The following TENM2 variants were observed in gnomAD, a reference collection of about 807,000 sequenced individuals.
The protein encoded by TENM2 is teneurin-2.
TENM2 carries 52 observed loss-of-function variants against 245.2 expected under a neutral mutation model. That is an observed-to-expected ratio of 0.21 (90% CI 0.17 to 0.27). The LOEUF is 0.27. TENM2 is among the 10% of genes least tolerant of loss of function. The pLI is 1.00. For missense variants in TENM2, 3,046 were observed against 3,666.8 expected (o/e 0.83, Z 4.37); for synonymous variants, 1,363 against 1,438.9 (o/e 0.95, Z 1.19).
chr5:167,877,702 T>C (rs1773544408), intron 3 of TENM2, among the ~76,000 whole-genome samples: 3 of 152,248 alleles, frequency 2.0e-5, no homozygotes, highest in Non-Finnish European at 2.9e-5. Context: ...ATGCTCTTTC[T>C]TCAAATATGA....
At chr5:168,074,359 GCCTTCATAGGAA>G (rs938527317) in intron 7 of TENM2, among the ~76,000 whole-genome samples, 3 of 152,100 alleles carry the variant, frequency 2.0e-5, no homozygotes, top group African/African-American at 7.2e-5. Context: ...ACCCCAGAGG[GCCTTCATAGGAA>G]CCAGGAAACA....
chr5:167,757,680 A>G (rs960657826), intron 2 of TENM2, among the ~76,000 whole-genome samples: 4 of 152,092 alleles, frequency 2.6e-5, no homozygotes, highest in Non-Finnish European at 4.4e-5. Context: ...GTCTTCCACA[A>G]TGGTTGAACT....
intron 2 of TENM2, among the ~76,000 whole-genome samples, chr5:167,736,357 C>G (rs1020454432): frequency 6.6e-6 from 1 of 152,034 alleles, no homozygotes; most frequent in Admixed American, 6.6e-5. Flanking sequence ...GGGGACACAG[C>G]CAAATCATAT....
chr5:167,937,511 G>A (rs1012027243), intron 3 of TENM2, among the ~76,000 whole-genome samples: 1 of 152,174 alleles, frequency 6.6e-6, no homozygotes, highest in Admixed American at 6.5e-5. Context: ...TCCCATCATG[G>A]CAATGTGGTT....
In TENM2 at chr5:167,875,997, C is replaced by A. The variant is rs1773391718; in HGVS notation, c.514C>A (p.Pro172Thr). Residue 172 changes from proline to threonine, a missense_variant, in exon 3 of 29, where the codon CCA (proline) becomes ACA (threonine). Physicochemically the swap from Pro to Thr is conservative, Grantham distance 38 (BLOSUM62 -1). This residue lies in a region of TENM2 where 342 missense variants were observed against 335.0 expected (regional missense o/e 1.02). Coordinates refer to ENST00000518659, the Ensembl canonical transcript of TENM2. ...GTCCTCTTTCCCAGGTCGTCCCATT[C>A]CACCTACATCCTCGCCTAGTCTCCT... The A allele has an allele frequency of 2.6e-6, 4 of 1,551,120 alleles. No individual in the cohort carries two copies. In the South Asian group the frequency reaches 3.6e-5, roughly 14 times the overall value.
chr5:167,983,944 T>C (rs1249300321), intron 4 of TENM2, among the ~76,000 whole-genome samples: 2 of 152,322 alleles, frequency 1.3e-5, no homozygotes, highest in South Asian at 4.1e-4. Context: ...GGCTAAAATA[T>C]ACTATACACG....
intron 2 of TENM2, among the ~76,000 whole-genome samples, chr5:167,632,124 C>T (rs1430591872): frequency 6.6e-6 from 1 of 152,138 alleles, no homozygotes; most frequent in African/African-American, 2.4e-5. Context: ...TTTAAACAGT[C>T]CCTGTAGATG....
intron 12 of TENM2, among the ~76,000 whole-genome samples, chr5:168,131,572 G>GA (rs1218909533): frequency 6.6e-6 from 1 of 152,162 alleles, no homozygotes; most frequent in East Asian, 1.9e-4. Flanking sequence ...CTGATTAAGT[G>GA]ATTGTCATCA....
intron 12 of TENM2, among the ~76,000 whole-genome samples, chr5:168,142,660 T>C (rs762395205): frequency 6.6e-6 from 1 of 152,214 alleles, no homozygotes; most frequent in Non-Finnish European, 1.5e-5. Context: ...CACACATGGC[T>C]GGGGGCATTG....
chr5:167,784,370 G>C (rs1353583888), intron 2 of TENM2, among the ~76,000 whole-genome samples: 1 of 152,210 alleles, frequency 6.6e-6, no homozygotes, highest in Non-Finnish European at 1.5e-5. Flanking sequence ...AATGTATGTA[G>C]TGAAAGCTCA....
At chr5:168,209,049 C>T (rs959683258) in intron 19 of TENM2, among the ~76,000 whole-genome samples, 1 of 152,080 alleles carries the variant, frequency 6.6e-6, no homozygotes, top group Non-Finnish European at 1.5e-5. Flanking sequence ...TTTAATATCA[C>T]AGTTATTTTG....
intron 16 of TENM2, 131 bp from the exon 19 acceptor site, chr5:168,199,733 G>A: frequency 1.1e-6 from 1 of 877,696 alleles, no homozygotes; most frequent in Non-Finnish European, 1.8e-6. Flanking sequence ...CTCAGTGGTG[G>A]TAAGTGGTTC....
intron 2 of TENM2, among the ~76,000 whole-genome samples, chr5:167,714,963 T>C (rs1239569931): frequency 6.6e-6 from 1 of 152,176 alleles, no homozygotes; most frequent in East Asian, 1.9e-4. Context: ...TACCCATTTC[T>C]TTTTTTCTTT....
At chr5:167,218,706 T>G in the TENM2 span, among the ~76,000 whole-genome samples, 1 of 152,168 alleles carries the variant, frequency 6.6e-6, no homozygotes, top group Non-Finnish European at 1.5e-5. Flanking sequence ...ACTTGTTGCT[T>G]TTCCAAGAGA....
At chr5:167,622,577 A>G (rs2127773207) in intron 2 of TENM2, among the ~76,000 whole-genome samples, 1 of 152,288 alleles carries the variant, frequency 6.6e-6, no homozygotes, top group South Asian at 2.1e-4. Context: ...TCCATAATAT[A>G]GAGCAGAGGA....
At chr5:167,223,897 A>G in the TENM2 span, among the ~76,000 whole-genome samples, 2 of 152,090 alleles carry the variant, frequency 1.3e-5, no homozygotes, top group African/African-American at 4.8e-5. Context: ...CTAGTGTAAG[A>G]TAATATCTCT....
intron 3 of TENM2, among the ~76,000 whole-genome samples, chr5:167,947,340 T>G (rs1166519472): frequency 2.6e-5 from 4 of 152,212 alleles, no homozygotes; most frequent in African/African-American, 9.6e-5. Context: ...TGTGCTAGGC[T>G]CCTTAAAAAT....
chr5:167,150,818 C>T, the TENM2 span, among the ~76,000 whole-genome samples: 1 of 152,162 alleles, frequency 6.6e-6, no homozygotes, highest in Non-Finnish European at 1.5e-5. Flanking sequence ...GTAATGACTG[C>T]AGCAAGCACA....
the TENM2 span, among the ~76,000 whole-genome samples, chr5:167,208,306 C>A: frequency 6.6e-6 from 1 of 152,134 alleles, no homozygotes; most frequent in African/African-American, 2.4e-5. Context: ...CTAAGATAAA[C>A]CTACATACTT....
Sources: allele counts gnomAD v4.1 joint callset (sites outside exome capture counted in the v4.1 genomes callset), GRCh38; gene constraint gnomAD v4.1.1; regional missense constraint gnomAD v4.1.1; transcripts MANE v1.5; gene names NCBI Gene and HGNC (gene_info 2026-07-23, HGNC 2026-07-21).